FUT9: variants seen among roughly 807,000 people sequenced by gnomAD.
The protein encoded by FUT9 is 4-galactosyl-N-acetylglucosaminide 3-alpha-L-fucosyltransferase 9.
FUT9 carries 15 observed loss-of-function variants against 29.7 expected under a neutral mutation model. That is an observed-to-expected ratio of 0.51 (90% CI 0.34 to 0.78). FUT9 has a LOEUF of 0.78. Among genes scored for constraint, FUT9 ranks in the 30% least tolerant of loss-of-function variants. The probability of loss-of-function intolerance (pLI) is 0.01; values close to 1 mark genes in which losing one functional copy is unlikely to be tolerated. For missense variants in FUT9, 319 were observed against 425.4 expected (o/e 0.75, Z 2.20); for synonymous variants, 169 against 153.7 (o/e 1.10, Z -0.74).
intron 2 of FUT9, among the ~76,000 whole-genome samples, chr6:96,158,856 T>C (rs973345615): frequency 1.3e-4 from 20 of 152,152 alleles, no homozygotes; most frequent in African/African-American, 4.8e-4. Context: ...AAATTATTTT[T>C]AAGCACTTGC....
Position 96,214,107 on chromosome 6 carries a change from A to G in FUT9, c.*9872A>G, listed in dbSNP as rs1773992016. 1 of 166,926 alleles carries G rather than the reference A, an allele frequency of 6.0e-6. No individual in the cohort carries two copies. The highest frequency in any genetic ancestry group is 2.4e-5 in the African/African-American group (1 of 41,432). The allele number at this position is 166,926 out of a possible 1,614,324, so 10.3% of individuals were successfully genotyped here. A position where few individuals can be genotyped will look rare whatever the true frequency, so the allele number is the denominator to read the frequency against. On this transcript the variant is annotated 3_prime_UTR_variant, in exon 3 of 3. Coordinates refer to ENST00000302103, the MANE Select transcript of FUT9 (RefSeq NM_006581.4). ...TTTCTAACTGCAGCATATTGTGGTA[A>G]ATTTTCTCCCAAAACTTTATTTTTG...
intron 1 of FUT9, among the ~76,000 whole-genome samples, chr6:96,040,202 T>C (rs936412585): frequency 6.6e-6 from 1 of 152,198 alleles, no homozygotes; most frequent in African/African-American, 2.4e-5. Flanking sequence ...GTGCCAGTGC[T>C]TAGTTGTTTA....
At chr6:96,038,285 G>A (rs1372974494) in intron 1 of FUT9, among the ~76,000 whole-genome samples, 1 of 152,008 alleles carries the variant, frequency 6.6e-6, no homozygotes, top group East Asian at 1.9e-4. Context: ...GTCGTATCTG[G>A]GTCAGACGAA....
intron 2 of FUT9, among the ~76,000 whole-genome samples, chr6:96,168,922 A>C (rs1353849398): frequency 6.6e-6 from 1 of 152,144 alleles, no homozygotes; most frequent in Non-Finnish European, 1.5e-5. Flanking sequence ...CATAGGAATA[A>C]AGCTTATCCT....
At chr6:96,145,996 G>A (rs1479888194) in intron 2 of FUT9, among the ~76,000 whole-genome samples, 2 of 152,108 alleles carry the variant, frequency 1.3e-5, no homozygotes, top group Admixed American at 1.3e-4. Context: ...GGGACTACAG[G>A]CATATGACAC....
chr6:96,184,872 T>C (rs1439812426), intron 2 of FUT9, among the ~76,000 whole-genome samples: 1 of 152,130 alleles, frequency 6.6e-6, no homozygotes, highest in Non-Finnish European at 1.5e-5. Flanking sequence ...CATTCCCTAG[T>C]GAGCCATGTC....
At chr6:96,146,294 C>G (rs1357748063) in intron 2 of FUT9, among the ~76,000 whole-genome samples, 2 of 152,162 alleles carry the variant, frequency 1.3e-5, no homozygotes, top group African/African-American at 4.8e-5. Flanking sequence ...CCTATTCTAT[C>G]TACTGGGCTG....
intron 1 of FUT9, among the ~76,000 whole-genome samples, chr6:96,063,948 C>T (rs9404178): frequency 0.023 from 3,451 of 152,202 alleles, 64 homozygotes; most frequent in East Asian, 0.076. Context: ...ACTGGAAAAG[C>T]TTCAAAATGA....
At chr6:96,134,234 T>C (rs1772304485) in intron 2 of FUT9, among the ~76,000 whole-genome samples, 1 of 151,872 alleles carries the variant, frequency 6.6e-6, no homozygotes, top group African/African-American at 2.4e-5. Context: ...TTCAAATGCA[T>C]TTGCTGTGCA....
intron 1 of FUT9, among the ~76,000 whole-genome samples, chr6:96,018,243 T>C (rs1770014119): frequency 1.3e-5 from 2 of 152,184 alleles, no homozygotes; most frequent in South Asian, 4.1e-4. Context: ...GTAATTAATC[T>C]GTATCAGAAT....
In FUT9 at chr6:96,097,286, C is replaced by T. The variant is rs193062817; in HGVS notation, c.-97-16753C>T. On this transcript the variant is annotated intron_variant, in intron 1 of 2. Transcript: ENST00000302103. Reference sequence around the variant, plus strand: ...TATAGTGTGGGAATCACAGCAGCAGCGGTGTGCTGGAGCCAGCTCCCCAAG... The same window carrying T: ...TATAGTGTGGGAATCACAGCAGCAGTGGTGTGCTGGAGCCAGCTCCCCAAG... Among the ~76,000 whole-genome samples, 4 of 152,334 alleles carry T rather than the reference C, an allele frequency of 2.6e-5. 1 individual carries two copies. The highest frequency in any genetic ancestry group is 2.0e-4 in the Admixed American group (3 of 15,298).
rs1402835810 is a variant in FUT9 at position 96,207,153 on chromosome 6, T to C, written c.*2918T>C. ...GTTTATAATTGCTATAATATAGAAA[T>C]TATAATTGCTTTTCTTTCTACTTAT... On this transcript the variant is annotated 3_prime_UTR_variant, in exon 3 of 3. Coordinates refer to ENST00000302103, the MANE Select transcript of FUT9 (RefSeq NM_006581.4). 1 of 165,744 alleles carries C rather than the reference T, an allele frequency of 6.0e-6. No individual in the cohort carries two copies. The highest frequency in any genetic ancestry group is 2.4e-5 in the African/African-American group (1 of 41,346). The allele number at this position is 165,744 out of a possible 1,614,324, so 10.3% of individuals were successfully genotyped here.
At position 96,165,676 on chromosome 6, in the gene FUT9, C is replaced by T. The variant is rs375055083; in HGVS notation, c.-8-37472C>T. On this transcript the variant is annotated intron_variant, in intron 2 of 2. Coordinates refer to ENST00000302103, the MANE Select transcript of FUT9 (RefSeq NM_006581.4). ...TGTCACCCAGGCTGGAATGCAGTGG[C>T]GTGATCTCGGCTCACTGCAACCTCC... is the stretch of plus-strand genomic sequence containing the variant. Among the ~76,000 whole-genome samples the T allele has an allele frequency of 6.6e-5, 10 of 152,110 alleles. No individual in the cohort carries two copies. In the East Asian group the frequency reaches 1.4e-3, roughly 21 times the overall value.
At chr6:96,113,385 C>T (rs1266234096) in intron 1 of FUT9, among the ~76,000 whole-genome samples, 1 of 151,800 alleles carries the variant, frequency 6.6e-6, no homozygotes, top group Non-Finnish European at 1.5e-5. Context: ...ATTACAAGTG[C>T]CTGCTACCAC....
intron 1 of FUT9, chr6:96,020,941 G>C: frequency 6.6e-6 from 1 of 152,062 alleles, no homozygotes; most frequent in East Asian, 1.9e-4. Flanking sequence ...GGCCTATGGG[G>C]CAAGAACTGA....
intron 2 of FUT9, among the ~76,000 whole-genome samples, chr6:96,193,558 T>C (rs1018892934): frequency 1.3e-5 from 2 of 151,736 alleles, no homozygotes; most frequent in Non-Finnish European, 2.9e-5. Flanking sequence ...AAACAACAAG[T>C]GCTGGCGAGG....
intron 1 of FUT9, among the ~76,000 whole-genome samples, chr6:96,019,257 A>G (rs1166235053): frequency 6.6e-6 from 1 of 151,986 alleles, no homozygotes; most frequent in Admixed American, 6.6e-5. Flanking sequence ...AGAGCTAAAC[A>G]ATTTAGTGTC....
In FUT9 at chr6:96,192,871, T is replaced by C. The variant is rs369243960; in HGVS notation, c.-8-10277T>C. On this transcript the variant is annotated intron_variant, in intron 2 of 2. Transcript: ENST00000302103. ...AAAACAGAGATATAGACCAATGGAA[T>C]AGAACAGAGCCCTCCGAAATAATGC... 5.9e-5 allele frequency among the ~76,000 whole-genome samples: 9 copies of C among 151,966 alleles called. No individual in the cohort carries two copies. In the East Asian group the frequency reaches 9.8e-4, roughly 17 times the overall value.
At chr6:96,189,226 G>C (rs938319731) in intron 2 of FUT9, among the ~76,000 whole-genome samples, 2 of 152,048 alleles carry the variant, frequency 1.3e-5, no homozygotes, top group Non-Finnish European at 2.9e-5. Context: ...CCAGGGAGAG[G>C]TGAGGGCTGG....
Sources: allele counts gnomAD v4.1 joint callset (sites outside exome capture counted in the v4.1 genomes callset), GRCh38; gene constraint gnomAD v4.1.1; transcripts MANE v1.5; gene names NCBI Gene and HGNC (gene_info 2026-07-23, HGNC 2026-07-21).